Variants in AACS observed in about 807,000 individuals in gnomAD.
AACS encodes acetoacetate-CoA ligase.
AACS carries 69 observed loss-of-function variants against 83.1 expected under a neutral mutation model. The observed-to-expected ratio is 0.83, with a 90% CI of 0.68 to 1.01. The LOEUF (loss-of-function observed/expected upper bound fraction) is 1.01, where lower values mean the gene tolerates loss of function less well. AACS is among the 50% of genes least tolerant of loss of function. The pLI is 0.00. For missense variants in AACS, 866 were observed against 882.2 expected (o/e 0.98, Z 0.23); for synonymous variants, 333 against 343.4 (o/e 0.97, Z 0.33).
intron 2 of AACS, among the ~76,000 whole-genome samples, chr12:125,074,210 G>A (rs1453396084): frequency 1.3e-5 from 2 of 152,152 alleles, no homozygotes; most frequent in African/African-American, 2.4e-5. Context: ...GGGAACTTGA[G>A]TGATCCTAAA....
chr12:125,108,412 G>A (rs150253572), intron 8 of AACS, among the ~76,000 whole-genome samples: 4 of 152,270 alleles, frequency 2.6e-5, no homozygotes, highest in African/African-American at 9.6e-5. Flanking sequence ...CAGTCAGATC[G>A]GATCTGGGCC....
intron 1 of AACS, among the ~76,000 whole-genome samples, chr12:125,068,342 C>T (rs115810981): frequency 0.021 from 3,170 of 152,246 alleles, 110 homozygotes; most frequent in African/African-American, 0.071. Context: ...GCCTGTAGTC[C>T]CAGCTACTCT....
chr12:125,072,683 G>A (rs142468935), intron 1 of AACS, among the ~76,000 whole-genome samples: 89 of 152,302 alleles, frequency 5.8e-4, no homozygotes, highest in Admixed American at 2.1e-3. Flanking sequence ...TGGATCCTAG[G>A]CAGTTGAGAG....
intron 3 of AACS, 143 bp downstream of exon 3, chr12:125,076,754 T>G: frequency 3.7e-6 from 5 of 1,334,570 alleles, no homozygotes; most frequent in Non-Finnish European, 4.0e-6. Flanking sequence ...CTGTCGACTT[T>G]ATTTTTGCTG....
At chr12:125,128,063 A>G in intron 12 of AACS, 98 bp from the exon 13 acceptor site, 1 of 810,184 alleles carries the variant, frequency 1.2e-6, no homozygotes, top group Non-Finnish European at 1.9e-6. Flanking sequence ...GAGAGTAGAT[A>G]TTTGTCCTCT....
At position 125,127,766 on chromosome 12, in the gene AACS, T is replaced by C. The variant is rs1214477522; in HGVS notation, c.1310-395T>C. 17 of 155,554 alleles carry C rather than the reference T, an allele frequency of 1.1e-4. No homozygotes were observed. In the Admixed American group the frequency reaches 1.1e-3, roughly 10 times the overall value. 9.6% of individuals were successfully genotyped at this position (155,554 alleles called of 1,614,324 possible). ...GCCACATTTCTGTTTTTCCAACCATTAAGTCCACATAAACCATGGCACTCG... is the reference window on the plus strand; with the variant it reads ...GCCACATTTCTGTTTTTCCAACCATCAAGTCCACATAAACCATGGCACTCG... On this transcript the variant is annotated intron_variant, in intron 12 of 17. Coordinates refer to ENST00000316519, the MANE Select transcript of AACS (RefSeq NM_023928.5).
At chr12:125,119,234 T>C (rs1466792873) in intron 10 of AACS, among the ~76,000 whole-genome samples, 4 of 152,178 alleles carry the variant, frequency 2.6e-5, no homozygotes, top group Non-Finnish European at 4.4e-5. Flanking sequence ...TGGACTCTCT[T>C]AGCAAAGTTC....
intron 14 of AACS, among the ~76,000 whole-genome samples, chr12:125,133,710 C>T (rs1380711753): frequency 1.3e-5 from 2 of 152,236 alleles, no homozygotes; most frequent in Admixed American, 1.3e-4. Flanking sequence ...CTGTTGACCC[C>T]CAGTGGCCTG....
chr12:125,096,953 A>G (rs1390978127), intron 5 of AACS, among the ~76,000 whole-genome samples: 1 of 152,048 alleles, frequency 6.6e-6, no homozygotes, highest in Admixed American at 6.5e-5. Context: ...TCTCCTGCCC[A>G]TCAGAAGTGG....
At chr12:125,083,681 TCTCA>T (rs778935515) in intron 3 of AACS, among the ~76,000 whole-genome samples, 10 of 152,172 alleles carry the variant, frequency 6.6e-5, no homozygotes, top group Non-Finnish European at 1.2e-4. Context: ...TGAGACAGAG[TCTCA>T]CTCGGTCGCC....
chr12:125,131,580 T>A (rs57174022), intron 14 of AACS, among the ~76,000 whole-genome samples: 10,839 of 152,170 alleles, frequency 0.071, 1,281 homozygotes, highest in African/African-American at 0.25. Context: ...AGTATGAATA[T>A]GGGGTTATAT....
Position 125,129,224 on chromosome 12 carries a change from G to GTATA in AACS, c.1424-109_1424-106dup. ...GGGCGTGGACCATCTCTGTACCTTT[G>GTATA]TATATGTCTGGAATATTGCATAATA... On this transcript the variant is annotated intron_variant, in intron 13 of 17. Coordinates refer to ENST00000316519, the MANE Select transcript of AACS (RefSeq NM_023928.5). This position sits in a 1 kb window ranked among gnomAD's most constrained non-coding sequence, Gnocchi z 4.3. 1.4e-6 allele frequency: 2 copies of GTATA among 1,438,372 alleles called. No homozygotes were observed. The highest frequency in any genetic ancestry group is 5.1e-5 in the East Asian group (2 of 39,552). 89.1% of individuals were successfully genotyped at this position (1,438,372 alleles called of 1,614,324 possible).
In AACS at chr12:125,131,883, C is replaced by T. The variant is rs113909065; in HGVS notation, c.1550-2120C>T. Among the ~76,000 whole-genome samples the T allele has an allele frequency of 6.4e-3, 981 of 152,346 alleles. 12 individuals are homozygous for T. Among genetic ancestry groups the T allele is most frequent in the African/African-American group, 0.022 (932 of 41,570 alleles). ...AAGTGCTGGGATTACAGGCGTGAGCCACCAGGCCTGACCACTTTTTATTAT... is the reference window on the plus strand; with the variant it reads ...AAGTGCTGGGATTACAGGCGTGAGCTACCAGGCCTGACCACTTTTTATTAT... On this transcript the variant is annotated intron_variant, in intron 14 of 17. Coordinates refer to ENST00000316519, the MANE Select transcript of AACS (RefSeq NM_023928.5).
At chr12:125,079,897 T>G (rs1956128724) in intron 3 of AACS, among the ~76,000 whole-genome samples, 1 of 152,232 alleles carries the variant, frequency 6.6e-6, no homozygotes, top group African/African-American at 2.4e-5. Flanking sequence ...CCCACCTCTC[T>G]GCTTTCTTTC....
chr12:125,098,111 G>A (rs927737853), intron 5 of AACS, among the ~76,000 whole-genome samples: 2 of 152,072 alleles, frequency 1.3e-5, no homozygotes, highest in Admixed American at 1.3e-4. Context: ...ACCAGTGTTT[G>A]TTTCTGTCTC....
At chr12:125,085,805 G>A (rs1344610881) in intron 3 of AACS, among the ~76,000 whole-genome samples, 2 of 152,004 alleles carry the variant, frequency 1.3e-5, no homozygotes, top group Non-Finnish European at 2.9e-5. Context: ...AGCATTCCCG[G>A]TAGAAAATCT....
intron 8 of AACS, among the ~76,000 whole-genome samples, chr12:125,107,944 G>A (rs1490041677): frequency 6.6e-6 from 1 of 152,200 alleles, no homozygotes; most frequent in African/African-American, 2.4e-5. Context: ...CCTGGCAACA[G>A]AGCCAGACTC....
chr12:125,086,227 A>T, intron 3 of AACS, 103 bp from the exon 4 acceptor site: 1 of 949,864 alleles, frequency 1.1e-6, no homozygotes, highest in Non-Finnish European at 1.6e-6. Flanking sequence ...GGTGTAGATT[A>T]ATAACCTGCA....
intron 12 of AACS, chr12:125,126,807 T>G (rs1409948527): frequency 2.6e-5 from 4 of 152,038 alleles, no homozygotes. Flanking sequence ...GTTCTTGAAC[T>G]CCTAACCTCA....
Sources: allele counts gnomAD v4.1 joint callset (sites outside exome capture counted in the v4.1 genomes callset), GRCh38; gene constraint gnomAD v4.1.1; non-coding constraint Gnocchi (gnomAD v3.1); transcripts MANE v1.5; gene names NCBI Gene and HGNC (gene_info 2026-07-23, HGNC 2026-07-21).